Variants in CUL3 observed in about 807,000 individuals in gnomAD.
CUL3 encodes cullin-3.
A neutral mutation model predicts 89.1 loss-of-function variants in CUL3; 19 were observed. That is an observed-to-expected ratio of 0.21 (90% confidence interval 0.15 to 0.31). CUL3 has a LOEUF of 0.31. CUL3 is among the 10% of genes least tolerant of loss of function. The pLI is 1.00. For missense variants in CUL3, 469 were observed against 942.3 expected (o/e 0.50, Z 6.58); for synonymous variants, 351 against 308.4 (o/e 1.14, Z -1.45).
intron 3 of CUL3, among the ~76,000 whole-genome samples, chr2:224,533,400 C>G (rs904431586): frequency 5.9e-5 from 9 of 151,594 alleles, no homozygotes; most frequent in African/African-American, 2.2e-4. Flanking sequence ...GAGGGGTGAA[C>G]TAATTAACTT....
At chr2:224,583,533 G>A (rs1028114055) in intron 1 of CUL3, among the ~76,000 whole-genome samples, 1 of 152,130 alleles carries the variant, frequency 6.6e-6, no homozygotes, top group East Asian at 1.9e-4. Context: ...GTTAGTACTC[G>A]CTTGTCAACA....
chr2:224,546,762 T>C (rs751326143), intron 2 of CUL3, among the ~76,000 whole-genome samples: 1 of 152,104 alleles, frequency 6.6e-6, no homozygotes, highest in Non-Finnish European at 1.5e-5. Flanking sequence ...AACAACACTT[T>C]TAAGCCTCCT....
Position 224,557,965 on chromosome 2 carries a change from T to C in CUL3, c.67-109A>G, listed in dbSNP as rs534504137. On this transcript the variant is annotated intron_variant, in intron 1 of 15. Coordinates refer to ENST00000264414, the MANE Select transcript of CUL3 (RefSeq NM_003590.5). ...TATAGTAAATATTGTATTATATAGATATGATTATAAATCTATGACACATAA... is the reference window on the plus strand; with the variant it reads ...TATAGTAAATATTGTATTATATAGACATGATTATAAATCTATGACACATAA... 5 of 625,546 alleles carry C rather than the reference T, an allele frequency of 8.0e-6. No homozygotes were observed. In the South Asian group the frequency reaches 1.2e-4, roughly 15 times the overall value. 38.7% of individuals were successfully genotyped at this position (625,546 alleles called of 1,614,324 possible).
At chr2:224,494,144 T>G (rs954957877) in intron 13 of CUL3, among the ~76,000 whole-genome samples, 1 of 152,126 alleles carries the variant, frequency 6.6e-6, no homozygotes, top group Non-Finnish European at 1.5e-5. Flanking sequence ...TACTCCCATA[T>G]AAATGGGATA....
At chr2:224,561,099 C>G (rs1023355537) in intron 1 of CUL3, among the ~76,000 whole-genome samples, 1 of 152,184 alleles carries the variant, frequency 6.6e-6, no homozygotes, top group African/African-American at 2.4e-5. Context: ...TACTGATCCC[C>G]AACTCCAACC....
intron 13 of CUL3, among the ~76,000 whole-genome samples, chr2:224,491,060 G>C (rs567495769): frequency 6.6e-6 from 1 of 152,132 alleles, no homozygotes; most frequent in Non-Finnish European, 1.5e-5. Context: ...CTTTCACTGA[G>C]CTTTCCTACC....
chr2:224,585,202 C>A lies in CUL3; in HGVS notation c.-193G>T, dbSNP rs1318777167. 3.0e-6 allele frequency: 1 copy of A among 338,328 alleles called. No homozygotes were observed. 21.0% of individuals were successfully genotyped at this position (338,328 alleles called of 1,614,324 possible). A position where few individuals can be genotyped will look rare whatever the true frequency, so the allele number is the denominator to read the frequency against. On this transcript the variant is annotated 5_prime_UTR_variant, in exon 1 of 16. Transcript: ENST00000264414. ...GGCGGCGGCGGCGGCGGCGGCGGCT[C>A]GGACTCTGGCGACTCCGATGCGGCT...
intron 3 of CUL3, among the ~76,000 whole-genome samples, chr2:224,533,842 G>C (rs1451553862): frequency 6.6e-6 from 1 of 152,078 alleles, no homozygotes; most frequent in Non-Finnish European, 1.5e-5. Context: ...AAGTGAAGTG[G>C]CCTCTCCCTG....
At chr2:224,481,870 G>A (rs1691550907) in intron 14 of CUL3, 22 bp downstream of exon 14, 14 of 1,414,606 alleles carry the variant, frequency 9.9e-6, no homozygotes, top group East Asian at 2.7e-5. Flanking sequence ...TTTTTTGAGA[G>A]GAAAAATATA....
intron 1 of CUL3, 145 bp downstream of exon 1, chr2:224,584,799 G>T: frequency 2.8e-6 from 1 of 358,550 alleles, no homozygotes; most frequent in Non-Finnish European, 4.0e-6. Context: ...CCCGGTTGCC[G>T]GGAAGGCTCG....
chr2:224,537,260 G>C (rs1693930883), intron 2 of CUL3, among the ~76,000 whole-genome samples: 1 of 152,092 alleles, frequency 6.6e-6, no homozygotes, highest in African/African-American at 2.4e-5. Context: ...TTCAAACTAA[G>C]AAAACAGAAT....
At chr2:224,515,956 C>G (rs546617538) in intron 3 of CUL3, among the ~76,000 whole-genome samples, 1 of 152,126 alleles carries the variant, frequency 6.6e-6, no homozygotes, top group Non-Finnish European at 1.5e-5. Context: ...TCCCAAAGTG[C>G]TGGGATTACA....
rs552971782 is a variant in CUL3 at position 224,514,596 on chromosome 2, AAGAG to A, written c.539+12_539+15del. ...CACTAAAACCAAAACCACAAGAGTAAAGAGAGAAATTTTACCTGTCTACGACTTC... is the reference window on the plus strand; with the variant it reads ...CACTAAAACCAAAACCACAAGAGTAAAGAAATTTTACCTGTCTACGACTTC... On this transcript the variant is annotated intron_variant, in intron 4 of 15. Transcript: ENST00000264414. 497 of 1,598,158 alleles carry A rather than the reference AAGAG, an allele frequency of 3.1e-4. 1 individual carries two copies. The African/African-American group carries it at 5.9e-3, about 19-fold the overall frequency.
intron 15 of CUL3, among the ~76,000 whole-genome samples, chr2:224,474,777 C>A (rs1198504608): frequency 6.6e-6 from 1 of 152,158 alleles, no homozygotes. Context: ...CTCAGCTCTA[C>A]CACTACTAGC....
At chr2:224,491,090 A>G (rs1440940832) in intron 13 of CUL3, among the ~76,000 whole-genome samples, 1 of 152,176 alleles carries the variant, frequency 6.6e-6, no homozygotes, top group African/African-American at 2.4e-5. Context: ...TCCCTTTTCA[A>G]AAGTAGTTTT....
chr2:224,574,966 G>C (rs1695266726), intron 1 of CUL3, among the ~76,000 whole-genome samples: 2 of 152,178 alleles, frequency 1.3e-5, no homozygotes, highest in South Asian at 2.1e-4. Flanking sequence ...AAAGGAAATA[G>C]AGACTCCTCT....
chr2:224,577,137 A>G (rs1163848629), intron 1 of CUL3, among the ~76,000 whole-genome samples: 1 of 152,240 alleles, frequency 6.6e-6, no homozygotes, highest in Non-Finnish European at 1.5e-5. Flanking sequence ...TTGGTATAAT[A>G]ATAGTTAACT....
intron 1 of CUL3, chr2:224,563,339 A>G (rs1221924650): frequency 2.2e-6 from 1 of 462,718 alleles, no homozygotes; most frequent in African/African-American, 2.0e-5. Context: ...ATGTATTTTC[A>G]TTCATTGTCA....
intron 3 of CUL3, among the ~76,000 whole-genome samples, chr2:224,519,514 T>C (rs931926922): frequency 5.3e-5 from 8 of 152,052 alleles, no homozygotes; most frequent in Admixed American, 2.0e-4. Context: ...GATAATTAAA[T>C]GACATATAAT....
Sources: allele counts gnomAD v4.1 joint callset (sites outside exome capture counted in the v4.1 genomes callset), GRCh38; gene constraint gnomAD v4.1.1; transcripts MANE v1.5; gene names NCBI Gene and HGNC (gene_info 2026-07-23, HGNC 2026-07-21).